TRRAP: variants seen among roughly 807,000 people sequenced by gnomAD.
The protein encoded by TRRAP is transformation/transcription domain-associated protein.
A neutral mutation model predicts 438.8 loss-of-function variants in TRRAP; 41 were observed. That is an observed-to-expected ratio of 0.09 (90% CI 0.07 to 0.12). The LOEUF is 0.12. TRRAP is among the 10% of genes least tolerant of loss of function. The probability of loss-of-function intolerance (pLI) is 1.00; values close to 1 mark genes in which losing one functional copy is unlikely to be tolerated. For synonymous variants in TRRAP, 1,994 were observed against 1,962.9 expected (o/e 1.02, Z -0.42); for missense variants, 3,122 against 5,055.1 (o/e 0.62, Z 11.60).
rs138649188 is a variant in TRRAP, at chr7:98,903,406, A to T, written c.925A>T (p.Met309Leu). 13 of 1,614,132 alleles carry T rather than the reference A, an allele frequency of 8.1e-6. No homozygotes were observed. The highest frequency in any genetic ancestry group is 1.3e-5 in the African/African-American group (1 of 74,944). Residue 309 changes from methionine to leucine, a missense_variant, in exon 12 of 73, where the codon ATG (methionine) becomes TTG (leucine). Physicochemically the swap from Met to Leu is conservative, Grantham distance 15. Transcript: ENST00000456197. ...QELVTKYSQQ[M>L]VKGMLQLLSN... ...GTTGGTGACTAAGTATTCTCAGCAG[A>T]TGGTGAAAGGAATGCTCCAGTTACT...
In TRRAP at chr7:98,956,656, C is replaced by A; in HGVS notation, c.6231+123C>A. ...TTCAGGAGAGGAAGCTGGGAACAGC[C>A]ACGGTCACCAGATTGAAACTCCAGG... On this transcript the variant is annotated intron_variant, in intron 43 of 72. Coordinates refer to ENST00000456197, the MANE Select transcript of TRRAP (RefSeq NM_001375524.1). This position sits in a 1 kb window ranked among gnomAD's most constrained non-coding sequence, Gnocchi z 4.5. 6.9e-7 allele frequency: 1 copy of A among 1,457,280 alleles called. No individual in the cohort carries two copies. Among genetic ancestry groups the A allele is most frequent in the South Asian group, 1.4e-5 (1 of 72,418 alleles). 90.3% of individuals were successfully genotyped at this position (1,457,280 alleles called of 1,614,324 possible).
chr7:98,880,265 T>G (rs113165344), intron 1 of TRRAP, among the ~76,000 whole-genome samples: 6,161 of 136,832 alleles, frequency 0.045, 201 homozygotes, highest in African/African-American at 0.11. Context: ...TGTTGTTGTT[T>G]TTTTTTTTTT....
chr7:98,908,410 C>G lies in TRRAP; in HGVS notation c.1116-318C>G, dbSNP rs1796889349. ...TTGACCCGTCCTATTTATTTTTGAG[C>G]AACAAAACCCATTCAGTGCATGATC... is the stretch of plus-strand genomic sequence containing the variant. On this transcript the variant is annotated intron_variant, in intron 13 of 72. Transcript: ENST00000456197. The surrounding 1 kb of genome is among the most constrained non-coding windows in gnomAD (Gnocchi z 4.1). Among the ~76,000 whole-genome samples the G allele has an allele frequency of 6.6e-6, 1 of 152,182 alleles. No homozygotes were observed. Among genetic ancestry groups the G allele is most frequent in the Admixed American group, 6.5e-5 (1 of 15,282 alleles).
rs187343043 is a variant in TRRAP, at chr7:98,895,696, T to C, written c.451-68T>C. On this transcript the variant is annotated intron_variant, in intron 6 of 72. Transcript: ENST00000456197. ...TACGTAGTAAGACAATTACAACTTT[T>C]CTTATTTATTATGGGTATTTTCTGT... 4.4e-6 allele frequency: 6 copies of C among 1,358,666 alleles called. No individual in the cohort carries two copies. The Admixed American group carries it at 1.2e-4, about 27-fold the overall frequency. 84.2% of individuals were successfully genotyped at this position (1,358,666 alleles called of 1,614,324 possible). A position where few individuals can be genotyped will look rare whatever the true frequency, so the allele number is the denominator to read the frequency against.
chr7:98,932,455 A>G (rs187058322), intron 26 of TRRAP, among the ~76,000 whole-genome samples: 12 of 152,158 alleles, frequency 7.9e-5, no homozygotes, highest in Admixed American at 7.9e-4. Flanking sequence ...CTTTAAGGAA[A>G]TTATCATCCA....
rs139162716 is a variant in TRRAP at position 98,895,913 on chromosome 7, G to T, written c.507+93G>T. ...AACAGTTGGGTTGCAGAAATAGTGTGTGGGGAGGGTTTACTATTTTAGAAT... is the reference window on the plus strand; with the variant it reads ...AACAGTTGGGTTGCAGAAATAGTGTTTGGGGAGGGTTTACTATTTTAGAAT... On this transcript the variant is annotated intron_variant, in intron 7 of 72. Transcript: ENST00000456197. The T allele has an allele frequency of 1.1e-4, 102 of 960,074 alleles. No individual in the cohort carries two copies. In the African/African-American group the frequency reaches 1.5e-3, roughly 14 times the overall value. 59.5% of individuals were successfully genotyped at this position (960,074 alleles called of 1,614,324 possible). A position where few individuals can be genotyped will look rare whatever the true frequency, so the allele number is the denominator to read the frequency against.
chr7:98,913,785 C>A (rs1321875416), intron 18 of TRRAP, among the ~76,000 whole-genome samples: 7 of 152,296 alleles, frequency 4.6e-5, no homozygotes, highest in African/African-American at 1.4e-4. Context: ...TGGATCTCAT[C>A]TGTTATTTGA....
In TRRAP at chr7:98,976,971, C is replaced by A; in HGVS notation, c.8280C>A (p.Ser2760=). 1 of 1,614,134 alleles carries A rather than the reference C, an allele frequency of 6.2e-7. No individual in the cohort carries two copies. The highest frequency in any genetic ancestry group is 8.5e-7 in the Non-Finnish European group (1 of 1,180,024). The change falls in exon 56 of 73, where the codon TCC becomes TCA. Residue 2760 remains serine, a synonymous_variant. Transcript: ENST00000456197. This position sits in a 1 kb window ranked among gnomAD's most constrained non-coding sequence, Gnocchi z 4.6. ...EILDSLAELY[S]LLQEEDMWAG... ...TGGATTCCCTTGCGGAGCTTTACTCCCTGTTACAAGAGGAAGATATGTGGG... is the reference window on the plus strand; with the variant it reads ...TGGATTCCCTTGCGGAGCTTTACTCACTGTTACAAGAGGAAGATATGTGGG...
chr7:98,889,557 A>ATTT (rs1562926713), intron 3 of TRRAP, among the ~76,000 whole-genome samples: 4 of 141,750 alleles, frequency 2.8e-5, no homozygotes, highest in Non-Finnish European at 3.1e-5. Flanking sequence ...TTTTTTTTTA[A>ATTT]AAAAAATAGA....
At chr7:98,958,159 G>A in intron 44 of TRRAP, 68 bp downstream of exon 44, 1 of 1,326,098 alleles carries the variant, frequency 7.5e-7, no homozygotes, top group Non-Finnish European at 1.0e-6. Flanking sequence ...CACCCCAGGA[G>A]GTTATCTGTG....
intron 31 of TRRAP, among the ~76,000 whole-genome samples, chr7:98,943,254 A>G (rs558802548): frequency 2.6e-5 from 4 of 151,748 alleles, no homozygotes; most frequent in Non-Finnish European, 5.9e-5. Context: ...CTTTAATATG[A>G]CTCTTCTGTT....
At position 98,962,386 on chromosome 7, in the gene TRRAP, A is replaced by G. The variant is rs774439067; in HGVS notation, c.6788A>G (p.Asn2263Ser). 2 of 1,614,204 alleles carry G rather than the reference A, an allele frequency of 1.2e-6. No homozygotes were observed. Among genetic ancestry groups the G allele is most frequent in the Non-Finnish European group, 1.7e-6 (2 of 1,180,034 alleles). The change falls in exon 47 of 73, where the codon AAC (asparagine) becomes AGC (serine). Residue 2263 changes from asparagine (N) to serine (S), a missense_variant. Physicochemically the swap from Asn to Ser is conservative, Grantham distance 46. Transcript: ENST00000456197. ...VGKVIYEGLT[N>S]YEKATNANPS... ...AAGGTCATCTATGAAGGGCTCACCAACTACGAGAAGGCCACCAATGCCAAT... is the reference window on the plus strand; with the variant it reads ...AAGGTCATCTATGAAGGGCTCACCAGCTACGAGAAGGCCACCAATGCCAAT...
chr7:99,002,881 T>TA (rs1307989160), intron 67 of TRRAP, among the ~76,000 whole-genome samples: 1 of 152,208 alleles, frequency 6.6e-6, no homozygotes, highest in Non-Finnish European at 1.5e-5. Context: ...AGCTGGGTGT[T>TA]ATGCCCAGCG....
At chr7:98,999,404 A>C in intron 67 of TRRAP, 2 of 1,210,006 alleles carry the variant, frequency 1.7e-6, no homozygotes, top group Admixed American at 3.6e-5. Flanking sequence ...CTTGATCTAC[A>C]TGAGATCCAG....
intron 67 of TRRAP, chr7:98,998,895 A>G: frequency 6.8e-6 from 3 of 440,196 alleles, no homozygotes; most frequent in Non-Finnish European, 1.2e-5. Flanking sequence ...CCATCACCTT[A>G]CATGGAGAGG....
Position 98,915,840 on chromosome 7 carries a change from G to A in TRRAP, c.2317G>A (p.Asp773Asn). 2 of 1,614,232 alleles carry A rather than the reference G, an allele frequency of 1.2e-6. No individual in the cohort carries two copies. The highest frequency in any genetic ancestry group is 1.7e-6 in the Non-Finnish European group (2 of 1,180,034). Reference protein sequence around the residue: ...LFRSIGGGSHDLLYQEFLPLL... With the variant: ...LFRSIGGGSHNLLYQEFLPLL... ...TCGCTCTATTGGTGGAGGTAGCCAC[G>A]ATCTCTTGTATCAGGAGTTCTTGCC... The change falls in exon 19 of 73, where the codon GAT becomes AAT. Residue 773 changes from aspartate (D) to asparagine (N), a missense_variant. Coordinates refer to ENST00000456197, the MANE Select transcript of TRRAP (RefSeq NM_001375524.1).
intron 12 of TRRAP, among the ~76,000 whole-genome samples, chr7:98,904,107 A>G (rs1203290476): frequency 1.3e-5 from 2 of 151,854 alleles, no homozygotes; most frequent in Admixed American, 6.6e-5. Flanking sequence ...ACTGCACCCA[A>G]CCTCTTTCCA....
chr7:98,936,182 G>A (rs1790546611), intron 28 of TRRAP, among the ~76,000 whole-genome samples: 1 of 152,216 alleles, frequency 6.6e-6, no homozygotes. Flanking sequence ...GGGAGTGAAG[G>A]TGAATACCCA....
At chr7:98,978,179 A>G in intron 56 of TRRAP, 32 bp from the exon 57 acceptor site, 1 of 1,556,740 alleles carries the variant, frequency 6.4e-7, no homozygotes, top group Non-Finnish European at 8.8e-7. Context: ...TTTCTAGTTA[A>G]ACAGTGATTT....
Sources: gnomAD v4.1 joint callset for allele counts (sites outside exome capture counted in the v4.1 genomes callset) on GRCh38, gnomAD v4.1.1 for gene constraint, Gnocchi (gnomAD v3.1) non-coding constraint, MANE v1.5 for transcripts, NCBI Gene and HGNC (gene_info 2026-07-23, HGNC 2026-07-21) for gene names.